The following MGLL variants were observed in gnomAD, a reference collection of about 807,000 sequenced individuals.
The protein encoded by MGLL is monoglyceride lipase.
A neutral mutation model predicts 29.1 loss-of-function variants in MGLL; 7 were observed. The ratio of observed to expected loss-of-function variants is 0.24; its 90% CI spans 0.14 to 0.45. The LOEUF is 0.45. Ranked by LOEUF, MGLL falls within the 20% of genes least tolerant of loss-of-function variation. MGLL has a pLI of 0.99. For missense variants in MGLL, 356 were observed against 413.6 expected (o/e 0.86, Z 1.21); for synonymous variants, 148 against 168.3 (o/e 0.88, Z 0.93).
At chr3:127,770,157 G>T (rs2076925732) in intron 3 of MGLL, among the ~76,000 whole-genome samples, 1 of 152,070 alleles carries the variant, frequency 6.6e-6, no homozygotes, top group African/African-American at 2.4e-5. Flanking sequence ...CAAGTAGCGG[G>T]GACAGGTGCA....
intron 2 of MGLL, among the ~76,000 whole-genome samples, chr3:127,796,312 G>A (rs888980208): frequency 6.6e-6 from 1 of 152,122 alleles, no homozygotes; most frequent in Non-Finnish European, 1.5e-5. Flanking sequence ...ATTGGGCCTC[G>A]GCTTTGAGAA....
chr3:127,763,966 G>A (rs1162735167), intron 3 of MGLL, among the ~76,000 whole-genome samples: 1 of 152,164 alleles, frequency 6.6e-6, no homozygotes, highest in Non-Finnish European at 1.5e-5. Flanking sequence ...GAAGCAAGAG[G>A]CTCCACCTCC....
intron 3 of MGLL, among the ~76,000 whole-genome samples, chr3:127,749,053 C>T (rs891824374): frequency 2.6e-5 from 4 of 152,192 alleles, no homozygotes; most frequent in Middle Eastern, 3.2e-3. Flanking sequence ...GTGTCTACAA[C>T]CCTGATCACT....
chr3:127,774,106 T>G (rs1342292823), intron 3 of MGLL, among the ~76,000 whole-genome samples: 1 of 152,208 alleles, frequency 6.6e-6, no homozygotes, highest in African/African-American at 2.4e-5. Flanking sequence ...TCCTCCTCCT[T>G]GGGCCCACAA....
chr3:127,765,494 G>A lies in MGLL; in HGVS notation c.262+16295C>T, dbSNP rs117738882. 1.3e-3 allele frequency among the ~76,000 whole-genome samples: 205 copies of A among 152,322 alleles called. 1 individual carries two copies. In the East Asian group the frequency reaches 0.014, roughly 10 times the overall value. ...TCCAAAGCCCCCAACACAGATCTGC[G>A]ATTCAGCATTCAGATGGCACACTTG... On this transcript the variant is annotated intron_variant, in intron 3 of 7. Transcript: ENST00000265052.
rs1020855260 is a variant in MGLL at position 127,695,265 on chromosome 3, C to A, written c.601-75G>T. 2.1e-6 allele frequency: 3 copies of A among 1,450,848 alleles called. No homozygotes were observed. In the African/African-American group the frequency reaches 4.2e-5, roughly 20 times the overall value. 89.9% of individuals were successfully genotyped at this position (1,450,848 alleles called of 1,614,324 possible). On this transcript the variant is annotated intron_variant, in intron 6 of 7. Coordinates refer to ENST00000265052, the MANE Select transcript of MGLL (RefSeq NM_007283.7). Reference sequence around the variant, plus strand: ...ATAAGCCAGGCCTATTTCCTGGTAGCTTTTCCTTCTGCTCTGGCCTGAAGG... The same window carrying A: ...ATAAGCCAGGCCTATTTCCTGGTAGATTTTCCTTCTGCTCTGGCCTGAAGG...
At chr3:127,808,900 AT>A (rs1250010716) in intron 2 of MGLL, among the ~76,000 whole-genome samples, 1 of 152,230 alleles carries the variant, frequency 6.6e-6, no homozygotes, top group African/African-American at 2.4e-5. Context: ...TGGATCTTCC[AT>A]CATTTGGATC....
intron 6 of MGLL, among the ~76,000 whole-genome samples, chr3:127,701,215 C>CAAAAAAAAAA (rs60128956): frequency 0.059 from 3,263 of 55,626 alleles, 519 homozygotes; most frequent in African/African-American, 0.11. Context: ...ACCCTGCCTC[C>CAAAAAAAAAA]AAAAAAAAAA....
intron 1 of MGLL, 28 bp from the exon 2 acceptor site, chr3:127,821,866 G>C: frequency 6.2e-7 from 1 of 1,608,442 alleles, no homozygotes; most frequent in South Asian, 1.1e-5. Context: ...ATATTCCAAA[G>C]TCAGAAATAT....
chr3:127,720,009 G>A (rs1012194566), intron 5 of MGLL, among the ~76,000 whole-genome samples: 1 of 152,176 alleles, frequency 6.6e-6, no homozygotes, highest in South Asian at 2.1e-4. Context: ...CTAGAGCCAG[G>A]AGCAAGTCTG....
At chr3:127,818,849 C>T (rs367710378) in intron 2 of MGLL, among the ~76,000 whole-genome samples, 1 of 152,150 alleles carries the variant, frequency 6.6e-6, no homozygotes, top group Non-Finnish European at 1.5e-5. Flanking sequence ...AAAATGAGGT[C>T]ATGTGTGCAC....
chr3:127,801,608 C>T (rs1386773817), intron 2 of MGLL, among the ~76,000 whole-genome samples: 5 of 152,032 alleles, frequency 3.3e-5, no homozygotes, highest in African/African-American at 9.7e-5. Context: ...AAGAACAAAA[C>T]TCCGTCTCAA....
At chr3:127,822,964 A>G (rs570385854), upstream of MGLL, 689 of 152,824 alleles carry the variant, frequency 4.5e-3, 4 homozygotes, top group African/African-American at 0.015. Flanking sequence ...CACCGTGCAC[A>G]CACACACACG....
intron 3 of MGLL, among the ~76,000 whole-genome samples, chr3:127,734,580 C>A (rs2076211911): frequency 6.6e-6 from 1 of 152,172 alleles, no homozygotes; most frequent in African/African-American, 2.4e-5. Flanking sequence ...AGGGGCCCTG[C>A]AGGATTTGCT....
At chr3:127,782,614 T>G (rs1002042624) in intron 2 of MGLL, among the ~76,000 whole-genome samples, 4 of 152,216 alleles carry the variant, frequency 2.6e-5, no homozygotes, top group African/African-American at 9.6e-5. Context: ...TGGCAGCATT[T>G]AGATTCCAAA....
At chr3:127,792,991 A>G (rs757226179) in intron 2 of MGLL, among the ~76,000 whole-genome samples, 1 of 152,200 alleles carries the variant, frequency 6.6e-6, no homozygotes, top group African/African-American at 2.4e-5. Flanking sequence ...AATCCCACCC[A>G]GGGGTCATGA....
chr3:127,744,463 A>G lies in MGLL; in HGVS notation c.263-21897T>C, dbSNP rs536445278. ...CATTCTCCTGTTGATTTTCTCTCTCATGAAATGTTAGGGCTCTGTGCAGCT... is the reference window on the plus strand; with the variant it reads ...CATTCTCCTGTTGATTTTCTCTCTCGTGAAATGTTAGGGCTCTGTGCAGCT... On this transcript the variant is annotated intron_variant, in intron 3 of 7. Transcript: ENST00000265052. Among the ~76,000 whole-genome samples, 3 of 152,274 alleles carry G rather than the reference A, an allele frequency of 2.0e-5. No homozygotes were observed. The East Asian group carries it at 5.8e-4, about 29-fold the overall frequency.
intron 2 of MGLL, among the ~76,000 whole-genome samples, chr3:127,815,724 C>A (rs892523063): frequency 6.6e-6 from 1 of 152,366 alleles, no homozygotes; most frequent in Non-Finnish European, 1.5e-5. Context: ...TGCTCACCAA[C>A]TCATGGGGCA....
rs186472833 is a variant in MGLL at position 127,819,771 on chromosome 3, G to A, written c.155+1923C>T. Among the ~76,000 whole-genome samples the A allele has an allele frequency of 1.1e-4, 17 of 152,248 alleles. 1 individual carries two copies. Among genetic ancestry groups the A allele is most frequent in the Admixed American group, 6.5e-5 (1 of 15,294 alleles). On this transcript the variant is annotated intron_variant, in intron 2 of 7. Coordinates refer to ENST00000265052, the MANE Select transcript of MGLL (RefSeq NM_007283.7). ...TCATGCAAGAGGGCAGGCAGGCTGAGCAGCTGGTCTCGGTTATGAAGATAC... is the reference window on the plus strand; with the variant it reads ...TCATGCAAGAGGGCAGGCAGGCTGAACAGCTGGTCTCGGTTATGAAGATAC...
Sources: gnomAD v4.1 joint callset for allele counts (sites outside exome capture counted in the v4.1 genomes callset) on GRCh38, gnomAD v4.1.1 for gene constraint, MANE v1.5 for transcripts, NCBI Gene and HGNC (gene_info 2026-07-23, HGNC 2026-07-21) for gene names.